The following PTPRZ1 variants were observed in gnomAD, a reference collection of about 807,000 sequenced individuals.
The protein encoded by PTPRZ1 is receptor-type tyrosine-protein phosphatase zeta.
Under a neutral mutation model 214.1 loss-of-function variants are expected in PTPRZ1, and 82 were observed. That is an observed-to-expected ratio of 0.38 (90% CI 0.32 to 0.46). The LOEUF (loss-of-function observed/expected upper bound fraction) is 0.46. Among genes scored for constraint, PTPRZ1 ranks in the 20% least tolerant of loss-of-function variants. PTPRZ1 has a pLI of 1.00. For missense variants in PTPRZ1, 2,603 were observed against 2,748.7 expected, an observed-to-expected ratio of 0.95 and a Z score of 1.19; for synonymous variants, 945 against 987.9, an observed-to-expected ratio of 0.96 and a Z score of 0.81.
At chr7:121,964,419 A>T (rs1009859926) in intron 2 of PTPRZ1, among the ~76,000 whole-genome samples, 85 of 152,188 alleles carry the variant, frequency 5.6e-4, no homozygotes, top group African/African-American at 1.9e-3. Context: ...CCCTTATAAA[A>T]CCAGAAGATC....
chr7:121,936,793 G>A (rs766141639), intron 2 of PTPRZ1, among the ~76,000 whole-genome samples: 12 of 152,228 alleles, frequency 7.9e-5, no homozygotes, highest in African/African-American at 2.7e-4. Context: ...AGACGTGGGG[G>A]CTTTGTGCTG....
At chr7:122,014,540 G>A (rs535552666) in intron 12 of PTPRZ1, among the ~76,000 whole-genome samples, 32 of 152,216 alleles carry the variant, frequency 2.1e-4, no homozygotes, top group Non-Finnish European at 3.1e-4. Context: ...CCAGGTTCAC[G>A]CCATTCTCCT....
chr7:122,026,588 A>G (rs1147501), intron 13 of PTPRZ1, among the ~76,000 whole-genome samples: 150,279 of 152,262 alleles, frequency 0.99, 74,174 homozygotes, highest in Middle Eastern at 1. Flanking sequence ...TCATCAGTCT[A>G]CCATACTCTC....
intron 1 of PTPRZ1, among the ~76,000 whole-genome samples, chr7:121,895,791 G>T (rs1794769184): frequency 6.6e-6 from 1 of 152,184 alleles, no homozygotes; most frequent in Non-Finnish European, 1.5e-5. Flanking sequence ...CAAAAGACCA[G>T]ATCCTTCAGA....
At chr7:121,988,601 T>A (rs2116583739) in intron 8 of PTPRZ1, among the ~76,000 whole-genome samples, 1 of 152,314 alleles carries the variant, frequency 6.6e-6, no homozygotes, top group East Asian at 1.9e-4. Flanking sequence ...TCTTAGTAGA[T>A]CCCTGTCTAA....
Position 121,984,083 on chromosome 7 carries a change from C to T in PTPRZ1, c.894C>T (p.Ser298=). 1 of 1,613,432 alleles carries T rather than the reference C, an allele frequency of 6.2e-7. No homozygotes were observed. The change falls in exon 8 of 30, where the codon TCC becomes TCT. Residue 298 remains serine, a synonymous_variant. Transcript: ENST00000393386. ...QQYKFSRQVF[S]SYTGKEEIHE... ...ACAAGTTCTCTAGACAGGTGTTTTC[C>T]TCATACACTGGAAAGGAAGAGATTC...
At chr7:121,935,513 G>C (rs568517498) in intron 2 of PTPRZ1, among the ~76,000 whole-genome samples, 12 of 150,920 alleles carry the variant, frequency 8.0e-5, no homozygotes, top group African/African-American at 2.9e-4. Context: ...TCGTTTGTTC[G>C]TTTGTTTTTG....
intron 1 of PTPRZ1, among the ~76,000 whole-genome samples, 188 bp downstream of exon 1, chr7:121,873,745 C>T (rs1793960612): frequency 6.6e-6 from 1 of 152,128 alleles, no homozygotes; most frequent in African/African-American, 2.4e-5. Flanking sequence ...TTGCGCGCCC[C>T]CTCCCCGCCC....
chr7:121,932,540 A>G (rs1795955513), intron 2 of PTPRZ1, among the ~76,000 whole-genome samples: 1 of 152,156 alleles, frequency 6.6e-6, no homozygotes, highest in African/African-American at 2.4e-5. Flanking sequence ...TCCTTCCCAT[A>G]TTGTCTCATC....
intron 29 of PTPRZ1, among the ~76,000 whole-genome samples, chr7:122,060,298 T>C (rs1310496258): frequency 6.6e-6 from 1 of 152,134 alleles, no homozygotes; most frequent in Non-Finnish European, 1.5e-5. Flanking sequence ...TAATAAGTCT[T>C]ATTCGGGGCC....
Position 122,060,286 on chromosome 7 carries a change from C to A in PTPRZ1, c.6807+398C>A, listed in dbSNP as rs548373161. 1.0e-3 allele frequency among the ~76,000 whole-genome samples: 154 copies of A among 152,204 alleles called. 1 individual carries two copies. The highest frequency in any genetic ancestry group is 1.9e-3 in the Non-Finnish European group (128 of 67,996). Reference sequence around the variant, plus strand: ...CATGCACATGCACTGCAGAGGAGCCCCTAATAAGTCTTATTCGGGGCCGCT... The same window carrying A: ...CATGCACATGCACTGCAGAGGAGCCACTAATAAGTCTTATTCGGGGCCGCT... On this transcript the variant is annotated intron_variant, in intron 29 of 29. Coordinates refer to ENST00000393386, the MANE Select transcript of PTPRZ1 (RefSeq NM_002851.3).
chr7:121,953,716 A>AT (rs1293045230), intron 2 of PTPRZ1, among the ~76,000 whole-genome samples: 1 of 152,152 alleles, frequency 6.6e-6, no homozygotes, highest in Admixed American at 6.5e-5. Flanking sequence ...CACTTCAGCT[A>AT]TTTTTTGCTA....
intron 1 of PTPRZ1, among the ~76,000 whole-genome samples, chr7:121,926,188 G>A (rs903944052): frequency 6.7e-6 from 1 of 149,362 alleles, no homozygotes; most frequent in Non-Finnish European, 1.5e-5. Context: ...GCCTGTAATC[G>A]CAGTTACTCA....
At chr7:121,926,100 C>G (rs566778761) in intron 1 of PTPRZ1, among the ~76,000 whole-genome samples, 1 of 152,168 alleles carries the variant, frequency 6.6e-6, no homozygotes, top group Non-Finnish European at 1.5e-5. Context: ...GTCTGGAGTT[C>G]GAGACCAGCC....
chr7:122,053,671 C>A (rs1259998603), intron 25 of PTPRZ1, among the ~76,000 whole-genome samples: 1 of 152,008 alleles, frequency 6.6e-6, no homozygotes, highest in African/African-American at 2.4e-5. Flanking sequence ...GTCACAGTTC[C>A]TATCTCACAG....
intron 1 of PTPRZ1, among the ~76,000 whole-genome samples, chr7:121,874,438 G>T (rs1235104357): frequency 6.6e-6 from 1 of 152,102 alleles, no homozygotes; most frequent in African/African-American, 2.4e-5. Flanking sequence ...TTTCCATCGC[G>T]ATAGAATATA....
At position 121,917,502 on chromosome 7, in the gene PTPRZ1, A is replaced by G. The variant is rs550764490; in HGVS notation, c.59-10654A>G. On this transcript the variant is annotated intron_variant, in intron 1 of 29. Transcript: ENST00000393386. ...GCAGGGCACATTAGATAAATGTCAC[A>G]TTGCTGTTGCATTTAAAACGAAATT... is the stretch of plus-strand genomic sequence containing the variant. 2.0e-5 allele frequency among the ~76,000 whole-genome samples: 3 copies of G among 152,344 alleles called. No individual in the cohort carries two copies. The East Asian group carries it at 5.8e-4, about 29-fold the overall frequency.
chr7:121,943,105 G>A (rs187385170), intron 2 of PTPRZ1, among the ~76,000 whole-genome samples: 1 of 152,036 alleles, frequency 6.6e-6, no homozygotes, highest in African/African-American at 2.4e-5. Context: ...ATGCATGCCG[G>A]CTCATAGTAT....
intron 11 of PTPRZ1, among the ~76,000 whole-genome samples, chr7:122,007,028 G>A (rs1237479512): frequency 6.6e-6 from 1 of 152,034 alleles, no homozygotes. Context: ...ACCTCCCAAG[G>A]AATAACCACA....
Sources: allele counts gnomAD v4.1 joint callset (sites outside exome capture counted in the v4.1 genomes callset), GRCh38; gene constraint gnomAD v4.1.1; transcripts MANE v1.5; gene names NCBI Gene and HGNC (gene_info 2026-07-23, HGNC 2026-07-21).